The following HNRNPUL2 variants were observed in gnomAD, a reference collection of about 807,000 sequenced individuals.
The protein encoded by HNRNPUL2 is heterogeneous nuclear ribonucleoprotein U like 2.
A neutral mutation model predicts 102.2 loss-of-function variants in HNRNPUL2; 27 were observed. The observed-to-expected ratio is 0.26, with a 90% confidence interval of 0.19 to 0.36. The LOEUF (loss-of-function observed/expected upper bound fraction) is 0.36. Ranked by LOEUF, HNRNPUL2 falls within the 10% of genes least tolerant of loss-of-function variation. The pLI, the probability that HNRNPUL2 is intolerant of heterozygous loss-of-function variation, is 1.00. For synonymous variants in HNRNPUL2, 458 were observed against 387.2 expected (o/e 1.18, Z -2.15); for missense variants, 936 against 981.1 (o/e 0.95, Z 0.61).
intron 1 of HNRNPUL2, 108 bp downstream of exon 1, chr11:62,726,511 C>CT: frequency 8.4e-7 from 1 of 1,190,414 alleles, no homozygotes; most frequent in South Asian, 1.7e-5. Context: ...TCAAATGGCA[C>CT]TTTGAGGCAA....
In HNRNPUL2 at chr11:62,727,317, G is replaced by A. The variant is rs2083765451; in HGVS notation, c.-161C>T. On this transcript the variant is annotated 5_prime_UTR_variant, in exon 1 of 14. Coordinates refer to ENST00000301785, the MANE Select transcript of HNRNPUL2 (RefSeq NM_001079559.3). ...GCACGCAGGAGCGGAGGCCGCGCAC[G>A]GTCCCGCTGCGCAGTGTTTGCTTCT... 2 of 904,124 alleles carry A rather than the reference G, an allele frequency of 2.2e-6. No individual in the cohort carries two copies. The highest frequency in any genetic ancestry group is 4.9e-5 in the South Asian group (1 of 20,290). The allele number at this position is 904,124 out of a possible 1,614,324, so 56.0% of individuals were successfully genotyped here.
intron 10 of HNRNPUL2, among the ~76,000 whole-genome samples, chr11:62,719,528 T>C (rs1325006188): frequency 1.3e-5 from 2 of 152,204 alleles, no homozygotes; most frequent in African/African-American, 4.8e-5. Context: ...TATCTACAAG[T>C]GCTCACGACC....
chr11:62,719,979 A>G (rs780492670), intron 10 of HNRNPUL2, 44 bp downstream of exon 10: 3 of 1,548,364 alleles, frequency 1.9e-6, no homozygotes, highest in African/African-American at 1.4e-5. Context: ...TATGAAGTCT[A>G]TGGTATTCTG....
At chr11:62,719,613 G>A (rs1450568100) in intron 10 of HNRNPUL2, among the ~76,000 whole-genome samples, 1 of 152,220 alleles carries the variant, frequency 6.6e-6, no homozygotes, top group South Asian at 2.1e-4. Flanking sequence ...AATAAGGTGT[G>A]CACTGACCAG....
Position 62,724,330 on chromosome 11 carries a change from C to G in HNRNPUL2, c.635G>C (p.Arg212Pro). 6.2e-7 allele frequency: 1 copy of G among 1,614,174 alleles called. No individual in the cohort carries two copies. The highest frequency in any genetic ancestry group is 8.5e-7 in the Non-Finnish European group (1 of 1,180,028). Reference protein sequence around the residue: ...RQRDEKDEHGRAYYEFREEAY... With the variant: ...RQRDEKDEHGPAYYEFREEAY... ...CTCCTCTCGGAATTCATAGTAAGCT[C>G]GGCCATGTTCATCCTTCTCATCCCG... Residue 212 changes from arginine (R) to proline (P), a missense_variant, in exon 2 of 14, where the codon CGA becomes CCA. By Grantham distance (103) the Arg-to-Pro change is moderately radical (BLOSUM62 -2). Coordinates refer to ENST00000301785, the MANE Select transcript of HNRNPUL2 (RefSeq NM_001079559.3).
chr11:62,717,004 G>A lies in HNRNPUL2; in HGVS notation c.1966C>T (p.Arg656Trp), dbSNP rs1002022443. Reference sequence around the variant, plus strand: ...CAAGACTCACCATAGCCTTGGCCCCGGCTTCGGTTCTGCCGGTTACGCTTG... The same window carrying A: ...CAAGACTCACCATAGCCTTGGCCCCAGCTTCGGTTCTGCCGGTTACGCTTG... ...RNKRNRQNRS[R>W]GQGYVGGQRR... The change falls in exon 11 of 14, where the codon CGG becomes TGG. Residue 656 changes from arginine (R) to tryptophan (W), a missense_variant. Physicochemically the swap from Arg to Trp is moderately radical, Grantham distance 101 (BLOSUM62 -3). Transcript: ENST00000301785. The A allele has an allele frequency of 5.0e-6, 8 of 1,612,966 alleles. No individual in the cohort carries two copies. The highest frequency in any genetic ancestry group is 3.3e-5 in the Admixed American group (2 of 59,984).
chr11:62,716,966 G>A, intron 11 of HNRNPUL2, 23 bp downstream of exon 11: 4 of 1,610,906 alleles, frequency 2.5e-6, no homozygotes, highest in Non-Finnish European at 2.5e-6. Context: ...GAAGTAGGGG[G>A]CTGGCAGGTC....
At chr11:62,722,747 G>A (rs576251) in intron 5 of HNRNPUL2, 34 bp from the exon 6 acceptor site, 395,797 of 1,602,960 alleles carry the variant, frequency 0.25, 51,623 homozygotes, top group African/African-American at 0.47. Context: ...ACCTACAACC[G>A]GACTTCCCAT....
At chr11:62,717,912 C>T (rs933421635) in intron 10 of HNRNPUL2, among the ~76,000 whole-genome samples, 1 of 152,200 alleles carries the variant, frequency 6.6e-6, no homozygotes, top group African/African-American at 2.4e-5. Flanking sequence ...AGCACATCTG[C>T]CAGTCTCTGG....
chr11:62,715,259 G>T lies in HNRNPUL2; in HGVS notation c.*40C>A. 1 of 1,526,224 alleles carries T rather than the reference G, an allele frequency of 6.6e-7. No individual in the cohort carries two copies. Among genetic ancestry groups the T allele is most frequent in the Non-Finnish European group, 9.0e-7 (1 of 1,115,184 alleles). The allele number at this position is 1,526,224 out of a possible 1,614,324, so 94.5% of individuals were successfully genotyped here. On this transcript the variant is annotated 3_prime_UTR_variant, in exon 14 of 14. Transcript: ENST00000301785. ...TGCGGGGGTGCCTGGCACCCCCAGA[G>T]ATTCAGCTTCATGGCTGACAGGTGA... is the stretch of plus-strand genomic sequence containing the variant.
intron 10 of HNRNPUL2, 146 bp downstream of exon 10, chr11:62,719,877 G>A (rs955121160): frequency 1.4e-6 from 1 of 718,602 alleles, no homozygotes; most frequent in Non-Finnish European, 2.3e-6. Context: ...ATGGAATGAT[G>A]CAGCAAGAAG....
At chr11:62,715,628 GGA>G (rs1419007783) in intron 12 of HNRNPUL2, 21 bp from the exon 13 acceptor site, 1 of 1,578,598 alleles carries the variant, frequency 6.3e-7, no homozygotes, top group Non-Finnish European at 8.7e-7. Flanking sequence ...AAAAGAAAAA[GGA>G]GTGAAGGTTT....
Position 62,715,520 on chromosome 11 carries a change from AATAGTCTCTGTATCTGTTGTACTC to A in HNRNPUL2, c.2119_2142del (p.Glu707_Tyr714del). On this transcript the variant is annotated inframe_deletion, in exon 13 of 14. Transcript: ENST00000301785. ...CTCACATCCCGATTGTATTGTCTGTAATAGTCTCTGTATCTGTTGTACTCATAATCTCGCCCGTAAAATCGATCA... is the reference window on the plus strand; with the variant it reads ...CTCACATCCCGATTGTATTGTCTGTAATAATCTCGCCCGTAAAATCGATCA... 6.2e-7 allele frequency: 1 copy of A among 1,611,590 alleles called. No individual in the cohort carries two copies. The highest frequency in any genetic ancestry group is 1.1e-5 in the South Asian group (1 of 91,020).
At chr11:62,720,001 G>C in intron 10 of HNRNPUL2, 22 bp downstream of exon 10, 1 of 1,607,988 alleles carries the variant, frequency 6.2e-7, no homozygotes, top group Non-Finnish European at 8.5e-7. Context: ...TATAGCAGCA[G>C]AAAATGGACT....
In HNRNPUL2 at chr11:62,721,287, A is replaced by C; in HGVS notation, c.1611+8T>G. 6.2e-7 allele frequency: 1 copy of C among 1,606,276 alleles called. No homozygotes were observed. Among genetic ancestry groups the C allele is most frequent in the Non-Finnish European group, 8.5e-7 (1 of 1,177,610 alleles). On this transcript the variant is annotated splice_region_variant and intron_variant, in intron 9 of 13. Coordinates refer to ENST00000301785, the MANE Select transcript of HNRNPUL2 (RefSeq NM_001079559.3). ...CCTTGACTCTAGGCAATTTTATCAG[A>C]TTAATACCTGATCAAGAATAAAGTT...
In HNRNPUL2 at chr11:62,722,623, T is replaced by G; in HGVS notation, c.1073A>C (p.Asn358Thr). ...TACAGCAAAGCAGCCAATAACATCA[T>G]TCTCCCCAAAAGTCTGGCCAAATTC... ...FEEFGQTFGE[N>T]DVIGCFANFE... The change falls in exon 6 of 14, where the codon AAT becomes ACT. Residue 358 changes from asparagine to threonine, a missense_variant. Asn to Thr is a moderately conservative substitution (Grantham distance 65, BLOSUM62 0). Coordinates refer to ENST00000301785, the MANE Select transcript of HNRNPUL2 (RefSeq NM_001079559.3). 4.3e-6 allele frequency: 7 copies of G among 1,613,912 alleles called. No homozygotes were observed. The highest frequency in any genetic ancestry group is 5.9e-6 in the Non-Finnish European group (7 of 1,179,822).
At position 62,714,519 on chromosome 11, in the gene HNRNPUL2, T is replaced by C. The variant is rs1399175410; in HGVS notation, c.*780A>G. ...CTCCCCAAGATTTTACAGGAATTAATCAATGGGTCTATAGAAGGGGCAGGC... is the reference window on the plus strand; with the variant it reads ...CTCCCCAAGATTTTACAGGAATTAACCAATGGGTCTATAGAAGGGGCAGGC... On this transcript the variant is annotated 3_prime_UTR_variant, in exon 14 of 14. Transcript: ENST00000301785. 6.6e-6 allele frequency: 1 copy of C among 152,118 alleles called. No individual in the cohort carries two copies. Among genetic ancestry groups the C allele is most frequent in the Non-Finnish European group, 1.5e-5 (1 of 68,030 alleles). 9.4% of individuals were successfully genotyped at this position (152,118 alleles called of 1,614,324 possible).
chr11:62,715,458 C>T (rs1334991061), intron 13 of HNRNPUL2, 42 bp downstream of exon 13: 6 of 1,576,420 alleles, frequency 3.8e-6, no homozygotes, highest in Non-Finnish European at 3.5e-6. Flanking sequence ...CCTTCTGCTC[C>T]TGCCCCCCTT....
At position 62,727,021 on chromosome 11, in the gene HNRNPUL2, C is replaced by T; in HGVS notation, c.136G>A (p.Ala46Thr). Residue 46 changes from alanine (A) to threonine (T), a missense_variant, in exon 1 of 14, where the codon GCC (alanine) becomes ACC (threonine). Ala to Thr is a moderately conservative substitution (Grantham distance 58). Coordinates refer to ENST00000301785, the MANE Select transcript of HNRNPUL2 (RefSeq NM_001079559.3). ...ALDAEMLEDE[A>T]GGGGAGPGGA... Reference sequence around the variant, plus strand: ...CCGGGCCCGGCCCCGCCGCCGCCGGCCTCGTCCTCGAGCATCTCGGCGTCC... The same window carrying T: ...CCGGGCCCGGCCCCGCCGCCGCCGGTCTCGTCCTCGAGCATCTCGGCGTCC... The T allele has an allele frequency of 2.2e-6, 3 of 1,374,026 alleles. No individual in the cohort carries two copies. Among genetic ancestry groups the T allele is most frequent in the Non-Finnish European group, 2.8e-6 (3 of 1,058,936 alleles). The allele number at this position is 1,374,026 out of a possible 1,614,324, so 85.1% of individuals were successfully genotyped here.
Sources: allele counts gnomAD v4.1 joint callset (sites outside exome capture counted in the v4.1 genomes callset), GRCh38; gene constraint gnomAD v4.1.1; transcripts MANE v1.5; gene names NCBI Gene and HGNC (gene_info 2026-07-23, HGNC 2026-07-21).